FHIT: variants seen among roughly 807,000 people sequenced by gnomAD.
The protein encoded by FHIT is bis(5'-adenosyl)-triphosphatase.
In FHIT, 19 loss-of-function variants were observed where a neutral mutation model predicts 17.9. The ratio of observed to expected loss-of-function variants is 1.06; its 90% CI spans 0.74 to 1.56. The LOEUF (loss-of-function observed/expected upper bound fraction) is 1.56. FHIT is among the 40% of genes most tolerant of loss of function. The probability of loss-of-function intolerance (pLI) is 0.00; values close to 1 mark genes in which losing one functional copy is unlikely to be tolerated. For missense variants in FHIT, 248 were observed against 189.2 expected (o/e 1.31, Z -1.82); for synonymous variants, 81 against 69.7 (o/e 1.16, Z -0.81).
chr3:60,557,458 C>T (rs371720059), intron 4 of FHIT, among the ~76,000 whole-genome samples: 10 of 151,950 alleles, frequency 6.6e-5, no homozygotes, highest in African/African-American at 2.2e-4. Context: ...AGTGCACAAT[C>T]ACTGCTACCC....
chr3:61,086,063 T>G (rs2035296350), intron 2 of FHIT, among the ~76,000 whole-genome samples: 1 of 152,150 alleles, frequency 6.6e-6, no homozygotes, highest in Non-Finnish European at 1.5e-5. Context: ...TAAAAGAATT[T>G]TATTGTTTCC....
intron 1 of FHIT, among the ~76,000 whole-genome samples, chr3:61,203,259 G>A (rs571824373): frequency 6.6e-6 from 1 of 150,526 alleles, no homozygotes; most frequent in South Asian, 2.1e-4. Context: ...TGAGGCAGGA[G>A]AATAGCTTGA....
intron 8 of FHIT, among the ~76,000 whole-genome samples, chr3:59,853,767 C>G (rs1045448192): frequency 1.3e-5 from 2 of 152,050 alleles, no homozygotes; most frequent in Non-Finnish European, 2.9e-5. Flanking sequence ...CATCTCATGC[C>G]ATGTTGGAAC....
chr3:60,992,443 C>T (rs2030317141), intron 3 of FHIT, among the ~76,000 whole-genome samples: 1 of 152,196 alleles, frequency 6.6e-6, no homozygotes, highest in African/African-American at 2.4e-5. Flanking sequence ...AAGTCAGCTA[C>T]ATAAATAAAC....
intron 1 of FHIT, among the ~76,000 whole-genome samples, chr3:61,247,358 C>A (rs143748618): frequency 6.6e-6 from 1 of 152,170 alleles, no homozygotes. Context: ...CACATCCCCA[C>A]GGTCATTGCC....
chr3:60,360,105 T>C (rs1381577960), intron 5 of FHIT, among the ~76,000 whole-genome samples: 4 of 151,922 alleles, frequency 2.6e-5, no homozygotes, highest in Admixed American at 6.6e-5. Flanking sequence ...CCATTTCTAT[T>C]ATATTCAAAT....
At chr3:59,923,992 C>A (rs1705536813) in intron 7 of FHIT, among the ~76,000 whole-genome samples, 1 of 152,076 alleles carries the variant, frequency 6.6e-6, no homozygotes, top group African/African-American at 2.4e-5. Flanking sequence ...AGCAATTGGG[C>A]CAAGTGTGCA....
At chr3:61,035,783 T>C (rs541392244) in intron 3 of FHIT, among the ~76,000 whole-genome samples, 78 of 152,324 alleles carry the variant, frequency 5.1e-4, no homozygotes, top group African/African-American at 1.7e-3. Flanking sequence ...TGACATTTTT[T>C]CCAGTAAAAA....
intron 2 of FHIT, among the ~76,000 whole-genome samples, chr3:61,190,479 G>A (rs886601817): frequency 2.0e-5 from 3 of 152,156 alleles, no homozygotes; most frequent in African/African-American, 7.2e-5. Flanking sequence ...TTACACTGTT[G>A]GTGGGACTGT....
intron 4 of FHIT, among the ~76,000 whole-genome samples, chr3:60,692,614 C>T (rs1484041641): frequency 6.6e-6 from 1 of 152,136 alleles, no homozygotes; most frequent in Non-Finnish European, 1.5e-5. Flanking sequence ...ACACATTTTC[C>T]CTTAGAGACC....
intron 3 of FHIT, among the ~76,000 whole-genome samples, chr3:61,023,647 A>G (rs2032578412): frequency 1.3e-5 from 2 of 152,226 alleles, no homozygotes; most frequent in Non-Finnish European, 2.9e-5. Context: ...GTACCAAAAC[A>G]GATATATAGA....
chr3:60,240,846 C>A (rs981508626), intron 5 of FHIT, among the ~76,000 whole-genome samples: 1 of 151,994 alleles, frequency 6.6e-6, no homozygotes, highest in African/African-American at 2.4e-5. Flanking sequence ...GCTGTACCTG[C>A]TTTGAAATAA....
At chr3:59,937,535 C>T (rs920255708) in intron 7 of FHIT, among the ~76,000 whole-genome samples, 1 of 152,106 alleles carries the variant, frequency 6.6e-6, no homozygotes, top group Admixed American at 6.6e-5. Context: ...TCTCTGGGCC[C>T]ACGTGCAACA....
rs746663323 is a variant in FHIT at position 59,922,334 on chromosome 3, G to A, written c.348+12C>T. On this transcript the variant is annotated intron_variant, in intron 8 of 9. Coordinates refer to ENST00000492590, the MANE Select transcript of FHIT (RefSeq NM_002012.4). ...CGTGATCAAACAATAAGATCAGAGA[G>A]AACAGACCCACCTCCTCATAGATGC... 24 of 1,609,328 alleles carry A rather than the reference G, an allele frequency of 1.5e-5. No individual in the cohort carries two copies. The South Asian group carries it at 2.4e-4, about 16-fold the overall frequency.
chr3:60,700,367 T>C (rs2041217629), intron 4 of FHIT, among the ~76,000 whole-genome samples: 1 of 152,204 alleles, frequency 6.6e-6, no homozygotes, highest in Non-Finnish European at 1.5e-5. Flanking sequence ...TCTCATATCG[T>C]TCCAATTAGT....
intron 8 of FHIT, among the ~76,000 whole-genome samples, chr3:59,830,308 T>C (rs1380129979): frequency 1.3e-5 from 2 of 152,082 alleles, no homozygotes; most frequent in African/African-American, 4.8e-5. Context: ...TCAATATATA[T>C]TCCAAAGGAA....
chr3:60,821,159 A>G (rs1039972320), intron 4 of FHIT, among the ~76,000 whole-genome samples: 6 of 152,088 alleles, frequency 3.9e-5, no homozygotes, highest in African/African-American at 1.2e-4. Context: ...GATTTTTGGT[A>G]GAGATGAGGT....
intron 4 of FHIT, among the ~76,000 whole-genome samples, chr3:60,646,081 A>G (rs1458568509): frequency 1.3e-5 from 2 of 152,192 alleles, no homozygotes; most frequent in Non-Finnish European, 2.9e-5. Flanking sequence ...GTCAGAAAGA[A>G]CTTTACCAAA....
intron 5 of FHIT, among the ~76,000 whole-genome samples, chr3:60,051,622 G>A (rs921682459): frequency 6.6e-6 from 1 of 152,064 alleles, no homozygotes; most frequent in South Asian, 2.1e-4. Flanking sequence ...AACTGAACCT[G>A]GAAATCTGAG....
Sources: gnomAD v4.1 joint callset for allele counts (sites outside exome capture counted in the v4.1 genomes callset) on GRCh38, gnomAD v4.1.1 for gene constraint, MANE v1.5 for transcripts, NCBI Gene and HGNC (gene_info 2026-07-23, HGNC 2026-07-21) for gene names.